Variants in SIRT2 observed in about 807,000 individuals in gnomAD.
SIRT2 encodes the protein NAD-dependent protein deacetylase sirtuin-2.
A neutral mutation model predicts 57.4 loss-of-function variants in SIRT2; 40 were observed. The ratio of observed to expected loss-of-function variants is 0.70; its 90% CI spans 0.54 to 0.91. The LOEUF (loss-of-function observed/expected upper bound fraction) is 0.91. SIRT2 is among the 40% of genes least tolerant of loss of function. The pLI is 0.00. For synonymous variants in SIRT2, 161 were observed against 195.7 expected, an observed-to-expected ratio of 0.82 and a Z score of 1.48; for missense variants, 439 against 510.4, an observed-to-expected ratio of 0.86 and a Z score of 1.35.
At chr19:38,889,427 C>G (rs1973451507) in intron 7 of SIRT2, 1 of 674,778 alleles carries the variant, frequency 1.5e-6, no homozygotes, top group East Asian at 2.7e-5. Flanking sequence ...CCCGGGCTCT[C>G]AACGGCATCA....
intron 3 of SIRT2, 50 bp downstream of exon 3, chr19:38,893,768 TC>T: frequency 1.9e-6 from 3 of 1,601,282 alleles, no homozygotes; most frequent in Non-Finnish European, 2.6e-6. Flanking sequence ...TGCCCTGAAA[TC>T]CCCCCGCCCC....
chr19:38,891,559 T>G (rs747257237), intron 4 of SIRT2, among the ~76,000 whole-genome samples: 3 of 151,866 alleles, frequency 2.0e-5, no homozygotes, highest in Non-Finnish European at 4.4e-5. Flanking sequence ...AAAATAATAA[T>G]AATAATAAAT....
chr19:38,879,572 C>T (rs751483994), intron 14 of SIRT2, 60 bp downstream of exon 14: 30 of 1,553,326 alleles, frequency 1.9e-5, no homozygotes, highest in East Asian at 4.8e-5. Context: ...TGCCTTCGTG[C>T]CCCCGCTCCC....
At chr19:38,899,267 G>C (rs912587629) in intron 1 of SIRT2, among the ~76,000 whole-genome samples, 1 of 152,158 alleles carries the variant, frequency 6.6e-6, no homozygotes, top group Non-Finnish European at 1.5e-5. Context: ...CAAGGTGCGA[G>C]AAACACGCGA....
At chr19:38,889,194 G>C in intron 7 of SIRT2, 39 bp from the exon 8 acceptor site, 1 of 1,584,892 alleles carries the variant, frequency 6.3e-7, no homozygotes, top group Non-Finnish European at 8.7e-7. Context: ...CGACTGCAGG[G>C]AACAGCCACA....
intron 8 of SIRT2, among the ~76,000 whole-genome samples, chr19:38,886,440 T>C (rs1323904735): frequency 6.6e-6 from 1 of 150,728 alleles, no homozygotes; most frequent in African/African-American, 2.5e-5. Context: ...TCTGTTATTC[T>C]TTGACAACAT....
At chr19:38,897,649 T>G (rs1451828435) in intron 2 of SIRT2, among the ~76,000 whole-genome samples, 4 of 151,988 alleles carry the variant, frequency 2.6e-5, no homozygotes, top group Non-Finnish European at 5.9e-5. Context: ...CTCAGCCTCC[T>G]GAGTAGCTGG....
Position 38,893,516 on chromosome 19 carries a change from G to T in SIRT2, c.124C>A (p.Arg42=), listed in dbSNP as rs765083798. 2.5e-6 allele frequency: 4 copies of T among 1,611,284 alleles called. No homozygotes were observed. In the African/African-American group the frequency reaches 5.3e-5, roughly 22 times the overall value. ...AGGEADMDFL[R]NLFSQTLSLG... is the part of the protein sequence containing the mutation. ...CTGAGCGTCTGGGAGAATAAGTTCC[G>T]CAGGAAGTCCACTGACCGGAAAGAA... Residue 42 remains arginine, a synonymous_variant, in exon 4 of 16, where the codon CGG becomes AGG. Transcript: ENST00000249396.
chr19:38,878,959 C>T lies in SIRT2; in HGVS notation c.*196G>A, dbSNP rs2144660989. ...GTAGAGATGCCTGTTTAAGCCTTGG[C>T]CTCTAGGAGGTGTTAGAGATTTGCT... is the stretch of plus-strand genomic sequence containing the variant. On this transcript the variant is annotated 3_prime_UTR_variant, in exon 16 of 16. Coordinates refer to ENST00000249396, the MANE Select transcript of SIRT2 (RefSeq NM_012237.4). 2 of 556,510 alleles carry T rather than the reference C, an allele frequency of 3.6e-6. No homozygotes were observed. The highest frequency in any genetic ancestry group is 2.6e-5 in the South Asian group (1 of 38,388). 34.5% of individuals were successfully genotyped at this position (556,510 alleles called of 1,614,324 possible).
In SIRT2 at chr19:38,880,974, C is replaced by T. The variant is rs909434860; in HGVS notation, c.748-77G>A. 1 of 1,558,452 alleles carries T rather than the reference C, an allele frequency of 6.4e-7. No homozygotes were observed. Among genetic ancestry groups the T allele is most frequent in the African/African-American group, 1.4e-5 (1 of 73,710 alleles). ...TCCCTCCCCCGCCCCCAGCAGCAAACCTCCCTGCCGCCCCCCATAGCTGGG... is the reference window on the plus strand; with the variant it reads ...TCCCTCCCCCGCCCCCAGCAGCAAATCTCCCTGCCGCCCCCCATAGCTGGG... On this transcript the variant is annotated intron_variant, in intron 11 of 15. Transcript: ENST00000249396. The surrounding 1 kb of genome is among the most constrained non-coding windows in gnomAD (Gnocchi z 4.1).
chr19:38,889,959 C>T lies in SIRT2; in HGVS notation c.271G>A (p.Ala91Thr), dbSNP rs200814071. The change falls in exon 6 of 16, where the codon GCA becomes ACA. Residue 91 changes from alanine to threonine, a missense_variant and splice_region_variant. Ala to Thr is a moderately conservative substitution (Grantham distance 58, BLOSUM62 0). Coordinates refer to ENST00000249396, the MANE Select transcript of SIRT2 (RefSeq NM_012237.4). ...GGAGAGCGAAAGTCGGGGATGCCTG[C>T]GGCTAGGAAAGGGGGGTCAGGGAGC... Reference protein sequence around the residue: ...CLVGAGISTSAGIPDFRSPST... With the variant: ...CLVGAGISTSTGIPDFRSPST... The T allele has an allele frequency of 1.3e-5, 21 of 1,613,858 alleles. No individual in the cohort carries two copies. The highest frequency in any genetic ancestry group is 1.7e-5 in the Non-Finnish European group (20 of 1,179,858).
At position 38,884,330 on chromosome 19, in the gene SIRT2, C is replaced by G. The variant is rs139074289; in HGVS notation, c.502-574G>C. On this transcript the variant is annotated intron_variant, in intron 8 of 15. Transcript: ENST00000249396. ...TACAATGTCTCTGTTATTAATGGAGCCCCCTCAGATGTGGCATCCTTGTGC... is the reference window on the plus strand; with the variant it reads ...TACAATGTCTCTGTTATTAATGGAGGCCCCTCAGATGTGGCATCCTTGTGC... Among the ~76,000 whole-genome samples, 510 of 152,300 alleles carry G rather than the reference C, an allele frequency of 3.3e-3. 3 individuals carry two copies. Among genetic ancestry groups the G allele is most frequent in the African/African-American group, 0.012 (489 of 41,564 alleles).
At chr19:38,884,108 TAAAA>T (rs61351914) in intron 8 of SIRT2, among the ~76,000 whole-genome samples, 4 of 116,090 alleles carry the variant, frequency 3.4e-5, no homozygotes, top group South Asian at 2.7e-4. Flanking sequence ...TACAAAAAAT[TAAAA>T]AAAAAAAAAA....
chr19:38,895,991 G>C (rs1329410513), intron 2 of SIRT2, among the ~76,000 whole-genome samples: 2 of 152,140 alleles, frequency 1.3e-5, no homozygotes, highest in Non-Finnish European at 2.9e-5. Flanking sequence ...AGAATCGCTT[G>C]AACCTGGGAG....
At position 38,878,870 on chromosome 19, in the gene SIRT2, G is replaced by T. The variant is rs200423710; in HGVS notation, c.*285C>A. The T allele has an allele frequency of 1.5e-4, 55 of 363,124 alleles. No homozygotes were observed. Among genetic ancestry groups the T allele is most frequent in the Admixed American group, 1.4e-4 (3 of 20,692 alleles). The allele number at this position is 363,124 out of a possible 1,614,324, so 22.5% of individuals were successfully genotyped here. ...AGTTCTGGGGTAGCCCTGGCCCCGT[G>T]GGGGCAGTTAGAGATGAGGGAGGTT... is the stretch of plus-strand genomic sequence containing the variant. On this transcript the variant is annotated 3_prime_UTR_variant, in exon 16 of 16. Coordinates refer to ENST00000249396, the MANE Select transcript of SIRT2 (RefSeq NM_012237.4).
Position 38,889,050 on chromosome 19 carries a change from C to T in SIRT2, c.501+37G>A, listed in dbSNP as rs367656507. On this transcript the variant is annotated intron_variant, in intron 8 of 15. Transcript: ENST00000249396. ...CTGAGGACACCATGCCCGTTCCACC[C>T]GCCCATCCTCCTCCCAGGATGCTCG... 54 of 1,595,370 alleles carry T rather than the reference C, an allele frequency of 3.4e-5. No homozygotes were observed. The African/African-American group carries it at 4.0e-4, about 12-fold the overall frequency.
Position 38,878,955 on chromosome 19 carries a change from T to C in SIRT2, c.*200A>G. On this transcript the variant is annotated 3_prime_UTR_variant, in exon 16 of 16. Coordinates refer to ENST00000249396, the MANE Select transcript of SIRT2 (RefSeq NM_012237.4). ...GCTGGTAGAGATGCCTGTTTAAGCC[T>C]TGGCCTCTAGGAGGTGTTAGAGATT... The C allele has an allele frequency of 1.8e-6, 1 of 549,850 alleles. No homozygotes were observed. The highest frequency in any genetic ancestry group is 3.1e-6 in the Non-Finnish European group (1 of 319,384). The allele number at this position is 549,850 out of a possible 1,614,324, so 34.1% of individuals were successfully genotyped here. A position where few individuals can be genotyped will look rare whatever the true frequency, so the allele number is the denominator to read the frequency against.
Position 38,895,580 on chromosome 19 carries a change from A to G in SIRT2, c.64-1713T>C, listed in dbSNP as rs138517390. The stretch of plus-strand genomic sequence containing the variant: ...CCGGATACTCACTGCTCTGCGTCCA[A>G]GTCTTTTTGAATAAGACCCTCCCTT... On this transcript the variant is annotated intron_variant, in intron 2 of 15. Transcript: ENST00000249396. Among the ~76,000 whole-genome samples, 74 of 152,328 alleles carry G rather than the reference A, an allele frequency of 4.9e-4. 2 individuals carry two copies. The highest frequency in any genetic ancestry group is 1.5e-3 in the African/African-American group (64 of 41,582).
At chr19:38,887,023 C>T (rs1027466112) in intron 8 of SIRT2, among the ~76,000 whole-genome samples, 8 of 151,838 alleles carry the variant, frequency 5.3e-5, no homozygotes, top group African/African-American at 1.7e-4. Flanking sequence ...GGGCAACCTC[C>T]ACCTCCCAGG....
Sources: gnomAD v4.1 joint callset for allele counts (sites outside exome capture counted in the v4.1 genomes callset) on GRCh38, gnomAD v4.1.1 for gene constraint, Gnocchi (gnomAD v3.1) non-coding constraint, MANE v1.5 for transcripts, NCBI Gene and HGNC (gene_info 2026-07-23, HGNC 2026-07-21) for gene names.